The following INTU variants were observed in gnomAD, a reference collection of about 807,000 sequenced individuals.
The protein encoded by INTU is inturned planar cell polarity protein, also known as protein inturned.
A neutral mutation model predicts 100.5 loss-of-function variants in INTU; 68 were observed. The observed-to-expected ratio is 0.68, with a 90% CI of 0.56 to 0.83. The LOEUF (loss-of-function observed/expected upper bound fraction) is 0.83. Ranked by LOEUF, INTU falls within the 40% of genes least tolerant of loss-of-function variation. The pLI, the probability that INTU is intolerant of heterozygous loss-of-function variation, is 0.00. For synonymous variants in INTU, 357 were observed against 395.7 expected (o/e 0.90, Z 1.16); for missense variants, 1,071 against 1,114.7 (o/e 0.96, Z 0.56).
intron 6 of INTU, among the ~76,000 whole-genome samples, chr4:127,679,635 C>A (rs1225772776): frequency 1.3e-5 from 2 of 151,758 alleles, no homozygotes; most frequent in African/African-American, 4.8e-5. Flanking sequence ...GCACTAAATG[C>A]CCACAAGAGA....
chr4:127,720,672 G>C lies in INTU; in HGVS notation c.*4236G>C, dbSNP rs762064766. ...GAATCTGAGTGCTCCTATATTAGGTGCATATATATTTAGGATAGTTAGCTC... is the reference window on the plus strand; with the variant it reads ...GAATCTGAGTGCTCCTATATTAGGTCCATATATATTTAGGATAGTTAGCTC... On this transcript the variant is annotated 3_prime_UTR_variant, in exon 16 of 16. Transcript: ENST00000335251. 1 of 152,134 alleles carries C rather than the reference G, an allele frequency of 6.6e-6. No individual in the cohort carries two copies. Among genetic ancestry groups the C allele is most frequent in the African/African-American group, 2.4e-5 (1 of 41,426 alleles). 9.4% of individuals were successfully genotyped at this position (152,134 alleles called of 1,614,324 possible). A position where few individuals can be genotyped will look rare whatever the true frequency, so the allele number is the denominator to read the frequency against.
At chr4:127,674,045 C>G (rs901543401) in intron 5 of INTU, 79 bp from the exon 6 acceptor site, 2 of 852,754 alleles carry the variant, frequency 2.3e-6, no homozygotes, top group East Asian at 5.6e-5. Flanking sequence ...ATACCATATG[C>G]AATCTTTTAT....
At chr4:127,668,631 C>G (rs1728795354) in intron 4 of INTU, among the ~76,000 whole-genome samples, 1 of 151,692 alleles carries the variant, frequency 6.6e-6, no homozygotes, top group African/African-American at 2.4e-5. Context: ...TTAATAGTTA[C>G]TTGTGGTACC....
chr4:127,676,711 C>T (rs1053799855), intron 6 of INTU, among the ~76,000 whole-genome samples: 4 of 152,096 alleles, frequency 2.6e-5, no homozygotes, highest in African/African-American at 4.8e-5. Context: ...TCTGAGGTAC[C>T]GGGTTCATCT....
At position 127,691,962 on chromosome 4, in the gene INTU, G is replaced by GTGTGTGTATATATATATATATATA; in HGVS notation, c.1449+4096_1449+4097insGTGTGTATATATATATATATATAT. On this transcript the variant is annotated intron_variant, in intron 8 of 15. Transcript: ENST00000335251. ...GGCGGAGTATAGTGTTCCATGGTAT[G>GTGTGTGTATATATATATATATATA]TATATATATATATATATATGTCACA... Among the ~76,000 whole-genome samples, 138 of 98,246 alleles carry GTGTGTGTATATATATATATATATA rather than the reference G, an allele frequency of 1.4e-3. 7 individuals carry two copies. Among genetic ancestry groups the GTGTGTGTATATATATATATATATA allele is most frequent in the African/African-American group, 5.2e-3 (130 of 24,922 alleles). 64.5% of individuals were successfully genotyped at this position (98,246 alleles called of 152,430 possible).
chr4:127,644,066 G>T lies in INTU; in HGVS notation c.682+10G>T. 6.2e-6 allele frequency: 10 copies of T among 1,605,348 alleles called. No individual in the cohort carries two copies. Among genetic ancestry groups the T allele is most frequent in the Non-Finnish European group, 8.5e-6 (10 of 1,174,470 alleles). ...GGTCAGGTACTCATTGGTAAGTGTT[G>T]CTGGTACACATCCATCCCTGTTTAC... is the stretch of plus-strand genomic sequence containing the variant. On this transcript the variant is annotated intron_variant, in intron 2 of 15. Transcript: ENST00000335251.
chr4:127,677,543 G>C (rs1418969000), intron 6 of INTU, among the ~76,000 whole-genome samples: 1 of 151,552 alleles, frequency 6.6e-6, no homozygotes, highest in Non-Finnish European at 1.5e-5. Context: ...TGAGGGTCCT[G>C]TCTGTTAGAA....
At chr4:127,673,365 T>A (rs1729020176) in intron 5 of INTU, among the ~76,000 whole-genome samples, 1 of 151,258 alleles carries the variant, frequency 6.6e-6, no homozygotes, top group South Asian at 2.1e-4. Context: ...TTTTTTTTTT[T>A]TAAGAGATGC....
intron 6 of INTU, among the ~76,000 whole-genome samples, chr4:127,680,831 A>G (rs1387319311): frequency 6.6e-6 from 1 of 151,964 alleles, no homozygotes; most frequent in African/African-American, 2.4e-5. Flanking sequence ...TGCAGATGAC[A>G]TAATTGTATA....
intron 1 of INTU, among the ~76,000 whole-genome samples, chr4:127,638,711 A>C (rs894425320): frequency 5.9e-5 from 9 of 152,194 alleles, no homozygotes; most frequent in Middle Eastern, 3.2e-3. Context: ...ACTCCTGTTT[A>C]CCACATCATT....
At chr4:127,648,824 T>G (rs956204097) in intron 2 of INTU, among the ~76,000 whole-genome samples, 3 of 147,764 alleles carry the variant, frequency 2.0e-5, no homozygotes, top group African/African-American at 2.5e-5. Flanking sequence ...TCTTGTTGTG[T>G]TTTTTTTTTT....
rs1287847889 is a variant in INTU, at chr4:127,723,870, G to A, written c.*7434G>A. ...TTTTAACAGTCCCAGATACCTGGGAGGCTGAGGTGGGAAGATCACCTGAGC... is the reference window on the plus strand; with the variant it reads ...TTTTAACAGTCCCAGATACCTGGGAAGCTGAGGTGGGAAGATCACCTGAGC... On this transcript the variant is annotated 3_prime_UTR_variant, in exon 16 of 16. Coordinates refer to ENST00000335251, the MANE Select transcript of INTU (RefSeq NM_015693.4). 1 of 152,030 alleles carries A rather than the reference G, an allele frequency of 6.6e-6. No individual in the cohort carries two copies. The highest frequency in any genetic ancestry group is 1.5e-5 in the Non-Finnish European group (1 of 68,058). 9.4% of individuals were successfully genotyped at this position (152,030 alleles called of 1,614,324 possible). A position where few individuals can be genotyped will look rare whatever the true frequency, so the allele number is the denominator to read the frequency against.
intron 2 of INTU, among the ~76,000 whole-genome samples, chr4:127,648,211 A>G (rs761966398): frequency 1.3e-5 from 2 of 152,160 alleles, no homozygotes; most frequent in Non-Finnish European, 2.9e-5. Context: ...GTACTTATGG[A>G]GAAAGACCTT....
At chr4:127,659,077 T>C (rs1728360620) in intron 3 of INTU, among the ~76,000 whole-genome samples, 1 of 152,156 alleles carries the variant, frequency 6.6e-6, no homozygotes, top group African/African-American at 2.4e-5. Flanking sequence ...TCACCACTGA[T>C]CTGACAGGAG....
chr4:127,649,942 T>C (rs1727762458), intron 2 of INTU, among the ~76,000 whole-genome samples: 1 of 152,236 alleles, frequency 6.6e-6, no homozygotes, highest in Non-Finnish European at 1.5e-5. Context: ...ATTTTGATAG[T>C]ATCTTTAATT....
At chr4:127,679,884 A>G (rs1729435633) in intron 6 of INTU, among the ~76,000 whole-genome samples, 1 of 152,188 alleles carries the variant, frequency 6.6e-6, no homozygotes, top group Non-Finnish European at 1.5e-5. Flanking sequence ...AAAAGAGAGA[A>G]GAATCAAATA....
chr4:127,706,738 A>G lies in INTU; in HGVS notation c.2040A>G (p.Leu680=), dbSNP rs1256838169. The change falls in exon 12 of 16, where the codon CTA becomes CTG. Residue 680 remains leucine, a synonymous_variant. Coordinates refer to ENST00000335251, the MANE Select transcript of INTU (RefSeq NM_015693.4). The stretch of plus-strand genomic sequence containing the variant: ...CCACTTCGCCTATTCTCAGTAGGCT[A>G]CAAGGTACTTCCAAAGTAGCAACTT... ...SLTTSPILSR[L]QGTSKVATSP... 1 of 1,614,136 alleles carries G rather than the reference A, an allele frequency of 6.2e-7. No individual in the cohort carries two copies. The highest frequency in any genetic ancestry group is 1.7e-5 in the Admixed American group (1 of 59,986).
intron 5 of INTU, among the ~76,000 whole-genome samples, chr4:127,672,767 T>A (rs1728990934): frequency 6.6e-6 from 1 of 152,126 alleles, no homozygotes; most frequent in South Asian, 2.1e-4. Flanking sequence ...ACAAAAGCAA[T>A]GTTCTGTGTG....
intron 6 of INTU, among the ~76,000 whole-genome samples, chr4:127,681,825 A>C (rs1388395522): frequency 4.6e-5 from 7 of 152,306 alleles, no homozygotes; most frequent in African/African-American, 1.7e-4. Context: ...CAACCTACAA[A>C]ATGGGAGAAA....
Sources: gnomAD v4.1 joint callset for allele counts (sites outside exome capture counted in the v4.1 genomes callset) on GRCh38, gnomAD v4.1.1 for gene constraint, MANE v1.5 for transcripts, NCBI Gene and HGNC (gene_info 2026-07-23, HGNC 2026-07-21) for gene names.